Variants in PARVA observed in about 807,000 individuals in gnomAD.
PARVA encodes parvin alpha.
In PARVA, 25 loss-of-function variants were observed where a neutral mutation model predicts 52.6. The observed-to-expected ratio is 0.48, with a 90% CI of 0.35 to 0.66. The LOEUF (loss-of-function observed/expected upper bound fraction) is 0.66. Ranked by LOEUF, PARVA falls within the 30% of genes least tolerant of loss-of-function variation. The probability of loss-of-function intolerance (pLI) is 0.01; values close to 1 mark genes in which losing one functional copy is unlikely to be tolerated. For synonymous variants in PARVA, 185 were observed against 179.1 expected (o/e 1.03, Z -0.26); for missense variants, 373 against 450.9 (o/e 0.83, Z 1.56).
intron 1 of PARVA, among the ~76,000 whole-genome samples, chr11:12,452,523 A>G (rs941640865): frequency 6.6e-6 from 1 of 152,186 alleles, no homozygotes; most frequent in African/African-American, 2.4e-5. Context: ...TCACCCAGCT[A>G]TACCCACAAT....
At chr11:12,387,094 A>G (rs1939583866) in intron 1 of PARVA, among the ~76,000 whole-genome samples, 1 of 152,260 alleles carries the variant, frequency 6.6e-6, no homozygotes, top group African/African-American at 2.4e-5. Context: ...TAAGCATCTA[A>G]AATCTCCACT....
Position 12,504,324 on chromosome 11 carries a change from C to A in PARVA, c.552C>A (p.Ala184=), listed in dbSNP as rs367832695. The stretch of plus-strand genomic sequence containing the variant: ...CTTCTTTCATTTCAGCTGTTCATGC[C>A]AAGAGCCTGGTGGCCATCTTACACC... ...SIKWNVDSVH[A]KSLVAILHLL... Residue 184 remains alanine (A), a synonymous_variant, in exon 6 of 13, where the codon GCC becomes GCA. Transcript: ENST00000334956. The A allele has an allele frequency of 5.6e-6, 9 of 1,606,878 alleles. No homozygotes were observed. The African/African-American group carries it at 1.2e-4, about 21-fold the overall frequency.
chr11:12,396,094 C>G (rs1005419827), intron 1 of PARVA, among the ~76,000 whole-genome samples: 1 of 152,126 alleles, frequency 6.6e-6, no homozygotes, highest in African/African-American at 2.4e-5. Flanking sequence ...TACAGGAACC[C>G]TGGGAGGTCC....
At chr11:12,526,877 T>G in intron 12 of PARVA, among the ~76,000 whole-genome samples, 1 of 149,790 alleles carries the variant, frequency 6.7e-6, no homozygotes, top group African/African-American at 2.5e-5. Flanking sequence ...GGGAGGAAGG[T>G]AGAGGAGCCA....
At chr11:12,411,968 A>C (rs1005251755) in intron 1 of PARVA, among the ~76,000 whole-genome samples, 15 of 152,176 alleles carry the variant, frequency 9.9e-5, no homozygotes, top group African/African-American at 3.6e-4. Flanking sequence ...ATATCGACTC[A>C]TCCCCCAGGA....
At chr11:12,378,164 C>T (rs1939431820) in intron 1 of PARVA, among the ~76,000 whole-genome samples, 4 of 152,104 alleles carry the variant, frequency 2.6e-5, no homozygotes, top group Non-Finnish European at 4.4e-5. Context: ...GCCCCGCCCT[C>T]TGCGCCCGAA....
At chr11:12,412,043 C>G (rs1384198473) in intron 1 of PARVA, among the ~76,000 whole-genome samples, 2 of 152,176 alleles carry the variant, frequency 1.3e-5, no homozygotes, top group East Asian at 1.9e-4. Context: ...ACTCTAAGAT[C>G]CAGTTTAACT....
chr11:12,450,777 C>G (rs541016241), intron 1 of PARVA, among the ~76,000 whole-genome samples: 32 of 152,258 alleles, frequency 2.1e-4, no homozygotes, highest in African/African-American at 6.0e-4. Context: ...GAACTGGAGT[C>G]TGATGTTTGA....
intron 1 of PARVA, among the ~76,000 whole-genome samples, chr11:12,408,720 G>A (rs1939949292): frequency 6.6e-6 from 1 of 152,180 alleles, no homozygotes; most frequent in Non-Finnish European, 1.5e-5. Flanking sequence ...GGAGGATATA[G>A]CAGTGAATAG....
At position 12,525,177 on chromosome 11, in the gene PARVA, C is replaced by T. The variant is rs368940307; in HGVS notation, c.1043-2672C>T. ...AAGGTAGGCAGGTCGGGTCAGGTTA[C>T]GCCTTACAAAGCCACAATTTAGGAT... On this transcript the variant is annotated intron_variant, in intron 12 of 12. Transcript: ENST00000334956. Among the ~76,000 whole-genome samples the T allele has an allele frequency of 1.1e-4, 16 of 152,286 alleles. No homozygotes were observed. The East Asian group carries it at 1.2e-3, about 11-fold the overall frequency.
At chr11:12,441,351 T>C (rs1940463693) in intron 1 of PARVA, among the ~76,000 whole-genome samples, 1 of 152,122 alleles carries the variant, frequency 6.6e-6, no homozygotes, top group Non-Finnish European at 1.5e-5. Context: ...AAAACTTTTT[T>C]TTTTTTAATT....
intron 1 of PARVA, among the ~76,000 whole-genome samples, chr11:12,444,071 A>G (rs1210124073): frequency 2.0e-5 from 3 of 152,190 alleles, no homozygotes; most frequent in Non-Finnish European, 4.4e-5. Context: ...TCAGGGAGGC[A>G]GGTTTGCAGC....
Position 12,528,015 on chromosome 11 carries a change from T to A in PARVA, c.*90T>A, listed in dbSNP as rs878899869. The A allele has an allele frequency of 1.1e-6, 1 of 883,646 alleles. No homozygotes were observed. Among genetic ancestry groups the A allele is most frequent in the Non-Finnish European group, 1.9e-6 (1 of 518,500 alleles). The allele number at this position is 883,646 out of a possible 1,614,324, so 54.7% of individuals were successfully genotyped here. On this transcript the variant is annotated 3_prime_UTR_variant, in exon 13 of 13. Transcript: ENST00000334956. ...AACTGCCTTACCCTGCTTATTCCTG[T>A]CTCTTGCACTGTGCTCTCCCACAAG...
chr11:12,486,944 G>A (rs2403629), intron 4 of PARVA, among the ~76,000 whole-genome samples: 145,438 of 152,338 alleles, frequency 0.95, 69,815 homozygotes, highest in East Asian at 1. Context: ...GCAACTAGTG[G>A]TGCCTTATGA....
intron 1 of PARVA, among the ~76,000 whole-genome samples, chr11:12,420,781 C>T (rs1940137442): frequency 6.6e-6 from 1 of 152,142 alleles, no homozygotes; most frequent in Admixed American, 6.5e-5. Flanking sequence ...TCATTATTCT[C>T]AATTTATAGA....
chr11:12,429,567 C>T (rs1052613540), intron 1 of PARVA, among the ~76,000 whole-genome samples: 10 of 152,096 alleles, frequency 6.6e-5, no homozygotes, highest in African/African-American at 1.2e-4. Context: ...ACTTTTGATA[C>T]TTTGAGCTCT....
chr11:12,406,791 C>T (rs1259692180), intron 1 of PARVA, among the ~76,000 whole-genome samples: 3 of 151,170 alleles, frequency 2.0e-5, no homozygotes, highest in African/African-American at 7.3e-5. Context: ...CTGCCTCGGC[C>T]TCCCAAGTAG....
chr11:12,378,016 G>A (rs1326007888), intron 1 of PARVA, among the ~76,000 whole-genome samples: 1 of 148,956 alleles, frequency 6.7e-6, no homozygotes, highest in East Asian at 2.0e-4. Context: ...GCGGTCGCCC[G>A]GGCGCTGCCC....
intron 4 of PARVA, 100 bp downstream of exon 4, chr11:12,478,049 A>T (rs751613646): frequency 2.6e-6 from 2 of 782,480 alleles, no homozygotes; most frequent in South Asian, 2.7e-5. Flanking sequence ...ACAGTGGCTT[A>T]CCTGGAAATG....
Sources: allele counts gnomAD v4.1 joint callset (sites outside exome capture counted in the v4.1 genomes callset), GRCh38; gene constraint gnomAD v4.1.1; transcripts MANE v1.5; gene names NCBI Gene and HGNC (gene_info 2026-07-23, HGNC 2026-07-21).